MDGA2: variants seen among roughly 807,000 people sequenced by gnomAD.
MDGA2 encodes the protein MAM domain containing glycosylphosphatidylinositol anchor 2, also known as MAM domain-containing glycosylphosphatidylinositol anchor protein 2.
Under a neutral mutation model 117.8 loss-of-function variants are expected in MDGA2, and 40 were observed. The observed-to-expected ratio is 0.34, with a 90% CI of 0.26 to 0.44. The LOEUF (loss-of-function observed/expected upper bound fraction) is 0.44, where lower values mean the gene tolerates loss of function less well. Ranked by LOEUF, MDGA2 falls within the 20% of genes least tolerant of loss-of-function variation. MDGA2 has a pLI of 1.00. For synonymous variants in MDGA2, 452 were observed against 439.0 expected (o/e 1.03, Z -0.37); for missense variants, 1,123 against 1,250.6 (o/e 0.90, Z 1.54).
intron 3 of MDGA2, among the ~76,000 whole-genome samples, chr14:47,145,927 T>C (rs959180016): frequency 6.6e-6 from 1 of 152,102 alleles, no homozygotes; most frequent in Non-Finnish European, 1.5e-5. Context: ...CATTCAACTC[T>C]TATTATAAAT....
At chr14:46,964,880 A>G (rs1885954046) in intron 8 of MDGA2, among the ~76,000 whole-genome samples, 1 of 146,096 alleles carries the variant, frequency 6.8e-6, no homozygotes, top group South Asian at 2.1e-4. Flanking sequence ...AGTGTAATTC[A>G]TTATACCTAA....
chr14:47,507,838 G>T (rs771363095), intron 1 of MDGA2, among the ~76,000 whole-genome samples: 1 of 151,878 alleles, frequency 6.6e-6, no homozygotes, highest in Non-Finnish European at 1.5e-5. Context: ...AGATCTTTCA[G>T]TTGATTGCTT....
chr14:47,435,462 C>T (rs1446105969), intron 1 of MDGA2, among the ~76,000 whole-genome samples: 1 of 152,074 alleles, frequency 6.6e-6, no homozygotes, highest in Non-Finnish European at 1.5e-5. Context: ...TGGACCACAG[C>T]AGCATGTCTG....
intron 8 of MDGA2, among the ~76,000 whole-genome samples, chr14:47,006,380 T>C (rs1887709617): frequency 6.8e-6 from 1 of 146,508 alleles, no homozygotes; most frequent in Non-Finnish European, 1.5e-5. Context: ...ATTAAAAATA[T>C]TATAATTATA....
At chr14:46,863,222 C>T (rs1483332092) in intron 14 of MDGA2, among the ~76,000 whole-genome samples, 2 of 152,058 alleles carry the variant, frequency 1.3e-5, no homozygotes, top group Admixed American at 6.6e-5. Flanking sequence ...CTTCCATAGA[C>T]ACTTTTATTT....
chr14:47,571,098 T>C (rs141914683), intron 1 of MDGA2, among the ~76,000 whole-genome samples: 2,491 of 152,282 alleles, frequency 0.016, 39 homozygotes, highest in Middle Eastern at 0.054. Context: ...AGGTGAAGGA[T>C]ATAAACAGGC....
chr14:47,277,796 C>G (rs866686253), intron 2 of MDGA2, among the ~76,000 whole-genome samples: 16 of 152,252 alleles, frequency 1.1e-4, no homozygotes, highest in Non-Finnish European at 2.2e-4. Context: ...TCTTGAATGT[C>G]TTGGTAACAG....
intron 1 of MDGA2, among the ~76,000 whole-genome samples, chr14:47,458,390 C>A (rs1280426518): frequency 2.0e-5 from 3 of 152,050 alleles, no homozygotes; most frequent in Non-Finnish European, 4.4e-5. Flanking sequence ...CTCATGGTTT[C>A]CTTCTGGAAG....
At chr14:47,239,596 C>T (rs1160878760) in intron 2 of MDGA2, among the ~76,000 whole-genome samples, 1 of 151,768 alleles carries the variant, frequency 6.6e-6, no homozygotes, top group Non-Finnish European at 1.5e-5. Context: ...CAAGGGAACA[C>T]ATACCAAAAG....
Position 47,674,632 on chromosome 14 carries a change from C to G in MDGA2, c.165G>C (p.Pro55=), listed in dbSNP as rs1463918865. 2.6e-6 allele frequency: 4 copies of G among 1,531,016 alleles called. No homozygotes were observed. The East Asian group carries it at 7.4e-5, about 28-fold the overall frequency. 94.8% of individuals were successfully genotyped at this position (1,531,016 alleles called of 1,614,324 possible). The change falls in exon 1 of 17, where the codon CCG becomes CCC. Residue 55 remains proline, a synonymous_variant. Transcript: ENST00000399232. ...AWLAAGLLKV[P]LRTPWAGYVH... Reference sequence around the variant, plus strand: ...CATATCCAGCCCAGGGGGTACGCAACGGGACCTTCAGGAGGCCGGCGGCCA... The same window carrying G: ...CATATCCAGCCCAGGGGGTACGCAAGGGGACCTTCAGGAGGCCGGCGGCCA...
chr14:47,617,961 A>G (rs1051226108), intron 1 of MDGA2, among the ~76,000 whole-genome samples: 3 of 152,198 alleles, frequency 2.0e-5, no homozygotes, highest in Non-Finnish European at 1.5e-5. Context: ...CTTTTTAATT[A>G]AAAAGTTTTC....
intron 1 of MDGA2, among the ~76,000 whole-genome samples, chr14:47,308,853 G>T (rs1889544108): frequency 6.6e-6 from 1 of 151,952 alleles, no homozygotes; most frequent in African/African-American, 2.4e-5. Context: ...AAAAGAACAG[G>T]GCAGGAAAAT....
chr14:46,993,078 ATTC>A (rs1887153929), intron 8 of MDGA2, among the ~76,000 whole-genome samples: 1 of 152,010 alleles, frequency 6.6e-6, no homozygotes, highest in Non-Finnish European at 1.5e-5. Context: ...AAAAAAAAAA[ATTC>A]TTCTCATACA....
chr14:46,957,310 T>A, intron 9 of MDGA2, 64 bp downstream of exon 9: 1 of 1,468,290 alleles, frequency 6.8e-7, no homozygotes, highest in Non-Finnish European at 9.3e-7. Context: ...TATATTGACA[T>A]AGGTCTAAGA....
At chr14:46,860,625 C>T (rs1881469695) in intron 14 of MDGA2, among the ~76,000 whole-genome samples, 1 of 151,940 alleles carries the variant, frequency 6.6e-6, no homozygotes, top group South Asian at 2.1e-4. Flanking sequence ...TTGTCTTCCA[C>T]AGAACTGACT....
Position 47,654,871 on chromosome 14 carries a change from A to T in MDGA2, c.280+19646T>A, listed in dbSNP as rs529465123. Among the ~76,000 whole-genome samples, 36 of 152,232 alleles carry T rather than the reference A, an allele frequency of 2.4e-4. No homozygotes were observed. In the South Asian group the frequency reaches 7.0e-3, roughly 30 times the overall value. The stretch of plus-strand genomic sequence containing the variant: ...GTTAGAAGAGTGTGTATATGAATTG[A>T]TTCTAAGGACGCTAGATTAAGATGG... On this transcript the variant is annotated intron_variant, in intron 1 of 16. Transcript: ENST00000399232.
At chr14:47,054,053 A>G (rs567677008) in intron 7 of MDGA2, among the ~76,000 whole-genome samples, 24 of 152,110 alleles carry the variant, frequency 1.6e-4, no homozygotes, top group African/African-American at 5.3e-4. Context: ...ACTTAAGAAC[A>G]TTGGTCATTG....
At chr14:47,640,381 A>G (rs1897402126) in intron 1 of MDGA2, among the ~76,000 whole-genome samples, 1 of 152,082 alleles carries the variant, frequency 6.6e-6, no homozygotes, top group African/African-American at 2.4e-5. Context: ...TACCCGATGT[A>G]CTGCAATGAC....
intron 10 of MDGA2, among the ~76,000 whole-genome samples, chr14:46,898,292 G>C (rs1395225726): frequency 6.6e-6 from 1 of 152,024 alleles, no homozygotes; most frequent in African/African-American, 2.4e-5. Flanking sequence ...GTTAGTGATG[G>C]TGGTAGATAT....
Sources: gnomAD v4.1 joint callset for allele counts (sites outside exome capture counted in the v4.1 genomes callset) on GRCh38, gnomAD v4.1.1 for gene constraint, MANE v1.5 for transcripts, NCBI Gene and HGNC (gene_info 2026-07-23, HGNC 2026-07-21) for gene names.